Variants in CSMD1 observed in about 807,000 individuals in gnomAD.
CSMD1 encodes CUB and sushi domain-containing protein 1.
Under a neutral mutation model 417.5 loss-of-function variants are expected in CSMD1, and 213 were observed. That is an observed-to-expected ratio of 0.51 (90% CI 0.46 to 0.57). CSMD1 has a LOEUF of 0.57. CSMD1 is among the 20% of genes least tolerant of loss of function. The probability of loss-of-function intolerance (pLI) is 0.00; values close to 1 mark genes in which losing one functional copy is unlikely to be tolerated. For missense variants in CSMD1, 6,923 were observed against 4,529.7 expected (o/e 1.53, Z -15.17); for synonymous variants, 2,862 against 1,736.8 (o/e 1.65, Z -16.11).
At chr8:3,334,677 A>G (rs1263432842) in intron 23 of CSMD1, among the ~76,000 whole-genome samples, 1 of 152,232 alleles carries the variant, frequency 6.6e-6, no homozygotes, top group African/African-American at 2.4e-5. Flanking sequence ...GCAAAAACAT[A>G]AATATGGAGC....
chr8:4,602,996 G>T (rs1191400349), intron 2 of CSMD1, among the ~76,000 whole-genome samples: 1 of 151,778 alleles, frequency 6.6e-6, no homozygotes, highest in Non-Finnish European at 1.5e-5. Flanking sequence ...AGTAAAGACT[G>T]AACTATTTTT....
intron 10 of CSMD1, among the ~76,000 whole-genome samples, chr8:3,560,094 G>C (rs1302363716): frequency 6.6e-6 from 1 of 152,132 alleles, no homozygotes; most frequent in East Asian, 1.9e-4. Context: ...AAGACACCCA[G>C]AGATTCCAGG....
Position 3,436,285 on chromosome 8 carries a change from C to T in CSMD1, c.1562-26680G>A, listed in dbSNP as rs147726430. On this transcript the variant is annotated intron_variant, in intron 12 of 69. Transcript: ENST00000635120. ...TTACCAACGCGATAGTAAGATACATCCCATATCAGAGGTACAAAAAGGTGA... is the reference window on the plus strand; with the variant it reads ...TTACCAACGCGATAGTAAGATACATTCCATATCAGAGGTACAAAAAGGTGA... Among the ~76,000 whole-genome samples, 427 of 152,262 alleles carry T rather than the reference C, an allele frequency of 2.8e-3. 2 individuals are homozygous for T. Among genetic ancestry groups the T allele is most frequent in the African/African-American group, 8.9e-3 (369 of 41,556 alleles).
chr8:3,385,046 AAATATAT>A lies in CSMD1; in HGVS notation c.2782+2441_2782+2447del, dbSNP rs1260191418. Among the ~76,000 whole-genome samples, 65 of 118,072 alleles carry A rather than the reference AAATATAT, an allele frequency of 5.5e-4. 2 individuals carry two copies. The South Asian group carries it at 0.012, about 22-fold the overall frequency. The allele number at this position is 118,072 out of a possible 152,430, so 77.5% of individuals were successfully genotyped here. A position where few individuals can be genotyped will look rare whatever the true frequency, so the allele number is the denominator to read the frequency against. On this transcript the variant is annotated intron_variant, in intron 18 of 69. Transcript: ENST00000635120. ...TATAAATATAATATATATAATATAT[AAATATAT>A]AATATATAATATATAAATATATATA...
chr8:2,940,087 T>C (rs971633732), intron 69 of CSMD1, among the ~76,000 whole-genome samples: 3 of 152,332 alleles, frequency 2.0e-5, no homozygotes, highest in Admixed American at 6.5e-5. Context: ...AGGGTTTTTC[T>C]GGAGGAATGC....
At chr8:4,272,990 A>C (rs1214774083) in intron 3 of CSMD1, among the ~76,000 whole-genome samples, 3 of 152,196 alleles carry the variant, frequency 2.0e-5, no homozygotes, top group Non-Finnish European at 4.4e-5. Context: ...CACATGCTTA[A>C]AACAGCTATT....
chr8:4,012,692 A>G (rs749346728), intron 4 of CSMD1, among the ~76,000 whole-genome samples: 15 of 152,092 alleles, frequency 9.9e-5, no homozygotes, highest in East Asian at 3.9e-4. Context: ...CCAACTCCCT[A>G]TTTCAACTCC....
chr8:4,029,931 T>C (rs1050615342), intron 4 of CSMD1, among the ~76,000 whole-genome samples: 4 of 152,156 alleles, frequency 2.6e-5, no homozygotes, highest in Admixed American at 6.5e-5. Context: ...TATGTAAGTA[T>C]AGAATCCAGT....
At chr8:3,997,069 A>G (rs1211089929) in intron 5 of CSMD1, among the ~76,000 whole-genome samples, 1 of 152,184 alleles carries the variant, frequency 6.6e-6, no homozygotes, top group Non-Finnish European at 1.5e-5. Flanking sequence ...CAACATACCC[A>G]TTCTTGTTTA....
chr8:3,878,902 T>C (rs1806013520), intron 5 of CSMD1, among the ~76,000 whole-genome samples: 1 of 152,210 alleles, frequency 6.6e-6, no homozygotes, highest in African/African-American at 2.4e-5. Flanking sequence ...TCACAAGTTA[T>C]ATGAAGTCTC....
At chr8:4,417,138 C>A (rs926267764) in intron 3 of CSMD1, among the ~76,000 whole-genome samples, 5 of 152,084 alleles carry the variant, frequency 3.3e-5, no homozygotes, top group South Asian at 2.1e-4. Context: ...ATTGCTGAGA[C>A]TTGCTGAGGT....
intron 1 of CSMD1, among the ~76,000 whole-genome samples, chr8:4,977,529 C>A (rs1810632895): frequency 6.6e-6 from 1 of 152,184 alleles, no homozygotes; most frequent in Non-Finnish European, 1.5e-5. Context: ...TCACAGAGCT[C>A]CCTTTGAGAG....
intron 49 of CSMD1, among the ~76,000 whole-genome samples, chr8:3,066,426 T>C (rs11781078): frequency 0.12 from 18,661 of 152,200 alleles, 1,365 homozygotes; most frequent in Non-Finnish European, 0.17. Context: ...TTGCTGACTT[T>C]TCCATTACGC....
intron 2 of CSMD1, among the ~76,000 whole-genome samples, chr8:4,428,014 C>T (rs911271994): frequency 6.6e-6 from 1 of 152,150 alleles, no homozygotes; most frequent in Non-Finnish European, 1.5e-5. Flanking sequence ...TTCCAAGTAG[C>T]TACTGTACTT....
chr8:3,868,190 T>C (rs944035355), intron 5 of CSMD1, among the ~76,000 whole-genome samples: 1 of 151,600 alleles, frequency 6.6e-6, no homozygotes, highest in Admixed American at 6.6e-5. Context: ...CCTGGTGCAG[T>C]TGGATGTACT....
intron 33 of CSMD1, among the ~76,000 whole-genome samples, chr8:3,190,495 T>C (rs1463910648): frequency 2.0e-5 from 3 of 152,180 alleles, no homozygotes; most frequent in Admixed American, 2.0e-4. Flanking sequence ...GATAATGAGA[T>C]GACTAACCAT....
intron 5 of CSMD1, among the ~76,000 whole-genome samples, chr8:3,990,256 C>A (rs1352866779): frequency 6.6e-6 from 1 of 152,118 alleles, no homozygotes; most frequent in African/African-American, 2.4e-5. Context: ...TAAAAGACTT[C>A]TTTTTTCATT....
intron 2 of CSMD1, among the ~76,000 whole-genome samples, chr8:4,475,915 T>A (rs1172701570): frequency 6.6e-6 from 1 of 152,128 alleles, no homozygotes; most frequent in East Asian, 1.9e-4. Context: ...ACCTGGCTCT[T>A]TTATTATACT....
intron 6 of CSMD1, among the ~76,000 whole-genome samples, chr8:3,714,728 C>T (rs59356365): frequency 1.1e-3 from 161 of 152,042 alleles, no homozygotes; most frequent in East Asian, 9.7e-3. Flanking sequence ...CACAGTGAGA[C>T]CCTTTAGTTT....
Sources: gnomAD v4.1 joint callset for allele counts (sites outside exome capture counted in the v4.1 genomes callset) on GRCh38, gnomAD v4.1.1 for gene constraint, MANE v1.5 for transcripts, NCBI Gene and HGNC (gene_info 2026-07-23, HGNC 2026-07-21) for gene names.